SLC36A4: variants seen among roughly 807,000 people sequenced by gnomAD.
SLC36A4 encodes neutral amino acid uniporter 4.
SLC36A4 carries 49 observed loss-of-function variants against 50.5 expected under a neutral mutation model. The ratio of observed to expected loss-of-function variants is 0.97; its 90% CI spans 0.77 to 1.23. The LOEUF is 1.23. SLC36A4 is among the 50% of genes most tolerant of loss of function. The pLI is 0.00. For synonymous variants in SLC36A4, 207 were observed against 206.5 expected, an observed-to-expected ratio of 1.00 and a Z score of -0.02; for missense variants, 611 against 608.4, an observed-to-expected ratio of 1.00 and a Z score of -0.05.
intron 1 of SLC36A4, among the ~76,000 whole-genome samples, chr11:93,192,310 G>A (rs1429128864): frequency 6.6e-6 from 1 of 152,126 alleles, no homozygotes; most frequent in East Asian, 1.9e-4. Flanking sequence ...CAAAGGCAAA[G>A]GCCCTCAGGA....
chr11:93,190,518 AT>A (rs1191651402), intron 1 of SLC36A4, among the ~76,000 whole-genome samples: 7 of 152,024 alleles, frequency 4.6e-5, no homozygotes, highest in African/African-American at 1.4e-4. Context: ...GCCCACAAAA[AT>A]TTTTTTTATT....
At chr11:93,156,486 C>G (rs1301493722) in intron 9 of SLC36A4, among the ~76,000 whole-genome samples, 1 of 150,278 alleles carries the variant, frequency 6.7e-6, no homozygotes, top group East Asian at 2.0e-4. Flanking sequence ...GCAGCTCAAT[C>G]TTAGCTCACT....
intron 9 of SLC36A4, among the ~76,000 whole-genome samples, chr11:93,155,780 C>T (rs1050179550): frequency 3.3e-5 from 5 of 151,936 alleles, no homozygotes; most frequent in East Asian, 1.9e-4. Context: ...TCCATGTGTC[C>T]GCGTTTTCAT....
Position 93,197,815 on chromosome 11 carries a change from CG to C in SLC36A4, c.17del (p.Thr6SerfsTer13). 10 of 1,579,444 alleles carry C rather than the reference CG, an allele frequency of 6.3e-6. No individual in the cohort carries two copies. The highest frequency in any genetic ancestry group is 8.5e-6 in the Non-Finnish European group (10 of 1,171,002). MEAAA[T>X]PAAAGAARRE... is the part of the protein sequence containing the mutation. Reference sequence around the variant, plus strand: ...GCCTCGCCGCCCCGGCAGCCGCCGGCGTCGCCGCCGCTTCCATCTCTCGCGG... The same window carrying C: ...GCCTCGCCGCCCCGGCAGCCGCCGGCTCGCCGCCGCTTCCATCTCTCGCGG... On this transcript the variant is annotated frameshift_variant, in exon 1 of 11. Transcript: ENST00000326402. LOFTEE classifies it high-confidence loss of function.
intron 3 of SLC36A4, among the ~76,000 whole-genome samples, chr11:93,183,276 C>T (rs185316894): frequency 5.6e-4 from 85 of 152,282 alleles, no homozygotes; most frequent in African/African-American, 1.9e-3. Flanking sequence ...CAAACGGAGA[C>T]TGTGAGCAAT....
chr11:93,179,777 T>G (rs1861654193), intron 6 of SLC36A4, among the ~76,000 whole-genome samples: 1 of 152,204 alleles, frequency 6.6e-6, no homozygotes, highest in Non-Finnish European at 1.5e-5. Flanking sequence ...AGACCACCTA[T>G]TTTTGCAAAT....
rs757350123 is a variant in SLC36A4 at position 93,148,595 on chromosome 11, G to A, written c.1457C>T (p.Thr486Ile). The A allele has an allele frequency of 2.5e-6, 4 of 1,612,802 alleles. No homozygotes were observed. The South Asian group carries it at 3.3e-5, about 13-fold the overall frequency. ...CAAATTTAGAAAAGGACTCTGTGGA[G>A]TGCCAGCTACAACTTTGGGAGTAGG... ...IYPTPKVVAGTPQSPFLNLNS... is the reference protein window; with the variant it reads ...IYPTPKVVAGIPQSPFLNLNS... The change falls in exon 11 of 11, where the codon ACT (threonine) becomes ATT (isoleucine). Residue 486 changes from threonine (T) to isoleucine (I), a missense_variant. By Grantham distance (89) the Thr-to-Ile change is moderately conservative. Transcript: ENST00000326402.
In SLC36A4 at chr11:93,148,608, CT is replaced by C; in HGVS notation, c.1443del (p.Val482LeufsTer2). ...TVEEIIYPTP[K>X]VVAGTPQSPF... ...GGACTCTGTGGAGTGCCAGCTACAA[CT>C]TTGGGAGTAGGATAAATAATTTCTT... On this transcript the variant is annotated frameshift_variant, in exon 11 of 11. Transcript: ENST00000326402. LOFTEE classifies it high-confidence loss of function. The C allele has an allele frequency of 6.2e-7, 1 of 1,612,754 alleles. No individual in the cohort carries two copies. The highest frequency in any genetic ancestry group is 8.5e-7 in the Non-Finnish European group (1 of 1,179,252).
In SLC36A4 at chr11:93,147,764, G is replaced by A. The variant is rs1041512916; in HGVS notation, c.*773C>T. On this transcript the variant is annotated 3_prime_UTR_variant, in exon 11 of 11. Transcript: ENST00000326402. The stretch of plus-strand genomic sequence containing the variant: ...CCTGGCCTGGGAGTCAGAAGATTAG[G>A]TTTTCTTGATCTCAAGGCTGAGTGG... The A allele has an allele frequency of 6.6e-6, 1 of 152,094 alleles. No homozygotes were observed. The highest frequency in any genetic ancestry group is 2.1e-4 in the South Asian group (1 of 4,828). 9.4% of individuals were successfully genotyped at this position (152,094 alleles called of 1,614,324 possible).
At chr11:93,180,699 C>T in intron 6 of SLC36A4, 98 bp downstream of exon 6, 3 of 822,766 alleles carry the variant, frequency 3.6e-6, no homozygotes, top group East Asian at 2.7e-5. Flanking sequence ...GAAAGGAACA[C>T]ATTTTCAAAT....
At chr11:93,188,769 G>A (rs1190412125) in intron 1 of SLC36A4, among the ~76,000 whole-genome samples, 4 of 152,192 alleles carry the variant, frequency 2.6e-5, no homozygotes, top group Middle Eastern at 3.4e-3. Flanking sequence ...TGGTACTCTT[G>A]TAAACCTATC....
Position 93,168,047 on chromosome 11 carries a change from A to G in SLC36A4, c.665T>C (p.Leu222Pro), listed in dbSNP as rs1012025698. 1 of 1,612,496 alleles carries G rather than the reference A, an allele frequency of 6.2e-7. No individual in the cohort carries two copies. Among genetic ancestry groups the G allele is most frequent in the Non-Finnish European group, 8.5e-7 (1 of 1,179,060 alleles). ...CTTTAGTTCACGAATGAAGACCAAAAGAATTATAAATGGAAGAAAGCAAAG... is the reference window on the plus strand; with the variant it reads ...CTTTAGTTCACGAATGAAGACCAAAGGAATTATAAATGGAAGAAAGCAAAG... Reference protein sequence around the residue: ...YMLCFLPFIILLVFIRELKNL... With the variant: ...YMLCFLPFIIPLVFIRELKNL... Residue 222 changes from leucine to proline, a missense_variant, in exon 7 of 11, where the codon CTT becomes CCT. Transcript: ENST00000326402.
At chr11:93,159,993 A>G (rs1860545872) in intron 9 of SLC36A4, 15 of 985,324 alleles carry the variant, frequency 1.5e-5, no homozygotes, top group African/African-American at 1.7e-5. Flanking sequence ...ACACTGCACA[A>G]TCTCTAACTT....
At chr11:93,159,868 T>C (rs2134643038) in intron 9 of SLC36A4, 1 of 985,362 alleles carries the variant, frequency 1.0e-6, no homozygotes, top group South Asian at 4.7e-5. Flanking sequence ...TAATATACTC[T>C]GAGACTTTGC....
intron 6 of SLC36A4, among the ~76,000 whole-genome samples, chr11:93,173,532 C>A (rs1861288619): frequency 1.3e-5 from 2 of 148,624 alleles, no homozygotes; most frequent in African/African-American, 5.0e-5. Flanking sequence ...ATGCCTATGT[C>A]CTGAACGGTA....
rs1395538681 is a variant in SLC36A4, at chr11:93,165,917, C to T, written c.867+1G>A. 13 of 1,566,772 alleles carry T rather than the reference C, an allele frequency of 8.3e-6. No individual in the cohort carries two copies. Among genetic ancestry groups the T allele is most frequent in the East Asian group, 4.5e-5 (2 of 44,398 alleles). On this transcript the variant is annotated splice_donor_variant, in intron 8 of 10. Transcript: ENST00000326402. LOFTEE classifies it high-confidence loss of function. ...AATAATAATAAAGACTAAATTCTTA[C>T]CACTCCTATGCCTTCAAAAGCAAAT...
At chr11:93,180,095 C>T (rs992081237) in intron 6 of SLC36A4, 3 of 952,184 alleles carry the variant, frequency 3.2e-6, no homozygotes, top group East Asian at 2.3e-4. Context: ...TTTACTGTAC[C>T]ATGGACATGT....
At chr11:93,155,600 G>C (rs1044422469) in intron 9 of SLC36A4, 3 of 152,040 alleles carry the variant, frequency 2.0e-5, no homozygotes, top group Non-Finnish European at 4.4e-5. Context: ...GACTTTTAAA[G>C]TTCAGGGGTA....
At chr11:93,166,595 T>C (rs908447187) in intron 7 of SLC36A4, 1 of 178,302 alleles carries the variant, frequency 5.6e-6, no homozygotes, top group Admixed American at 6.5e-5. Flanking sequence ...CTGGCTTTGA[T>C]TGCTTGGTCC....
Sources: gnomAD v4.1 joint callset for allele counts (sites outside exome capture counted in the v4.1 genomes callset) on GRCh38, gnomAD v4.1.1 for gene constraint, MANE v1.5 for transcripts, NCBI Gene and HGNC (gene_info 2026-07-23, HGNC 2026-07-21) for gene names.